LYPD5: variants seen among roughly 807,000 people sequenced by gnomAD.
The protein encoded by LYPD5 is ly6/PLAUR domain-containing protein 5.
LYPD5 carries 21 observed loss-of-function variants against 19.1 expected under a neutral mutation model. The ratio of observed to expected loss-of-function variants is 1.10; its 90% confidence interval spans 0.78 to 1.58. The LOEUF (loss-of-function observed/expected upper bound fraction) is 1.58. Among genes scored for constraint, LYPD5 ranks in the 40% most tolerant of loss-of-function variants. The pLI is 0.00. For synonymous variants in LYPD5, 128 were observed against 142.7 expected (o/e 0.90, Z 0.74); for missense variants, 287 against 329.8 (o/e 0.87, Z 1.00).
At position 43,798,600 on chromosome 19, in the gene LYPD5, T is replaced by C; in HGVS notation, c.372A>G (p.Ala124=). The change falls in exon 4 of 5, where the codon GCA becomes GCG. Residue 124 remains alanine, a splice_region_variant and synonymous_variant. Coordinates refer to ENST00000377950, the MANE Select transcript of LYPD5 (RefSeq NM_001031749.3). Reference sequence around the variant, plus strand: ...CGCCGCTGAGCGTCGGCGGGTCGGGTGCTGGCAAGAGAGCGTAGATGCACA... The same window carrying C: ...CGCCGCTGAGCGTCGGCGGGTCGGGCGCTGGCAAGAGAGCGTAGATGCACA... ...THDALPNLSQ[A]PDPPTLSGAE... 1 of 1,609,686 alleles carries C rather than the reference T, an allele frequency of 6.2e-7. No homozygotes were observed. Among genetic ancestry groups the C allele is most frequent in the Non-Finnish European group, 8.5e-7 (1 of 1,179,982 alleles).
chr19:43,817,718 T>C (rs1970384892), intron 1 of LYPD5, among the ~76,000 whole-genome samples: 1 of 145,120 alleles, frequency 6.9e-6, no homozygotes, highest in South Asian at 2.2e-4. Context: ...AAGGACTTTA[T>C]TTATTTTTTT....
chr19:43,818,272 G>A (rs372531466), intron 1 of LYPD5, among the ~76,000 whole-genome samples: 2 of 152,304 alleles, frequency 1.3e-5, no homozygotes, highest in African/African-American at 4.8e-5. Flanking sequence ...GGAGGACCCT[G>A]AGAAGAAGTT....
rs1324477309 is a variant in LYPD5 at position 43,798,308 on chromosome 19, C to T, written c.517+147G>A. On this transcript the variant is annotated intron_variant, in intron 4 of 4. Coordinates refer to ENST00000377950, the MANE Select transcript of LYPD5 (RefSeq NM_001031749.3). Reference sequence around the variant, plus strand: ...CAAATCTTCTCCCTCAGACCAGGGTCAAACCTTCTCCCTCAGACCAGGGTC... The same window carrying T: ...CAAATCTTCTCCCTCAGACCAGGGTTAAACCTTCTCCCTCAGACCAGGGTC... 4.7e-6 allele frequency: 5 copies of T among 1,055,290 alleles called. No individual in the cohort carries two copies. In the African/African-American group the frequency reaches 7.8e-5, roughly 17 times the overall value. The allele number at this position is 1,055,290 out of a possible 1,614,324, so 65.4% of individuals were successfully genotyped here. A position where few individuals can be genotyped will look rare whatever the true frequency, so the allele number is the denominator to read the frequency against.
intron 1 of LYPD5, among the ~76,000 whole-genome samples, chr19:43,808,265 C>T (rs1222307139): frequency 3.3e-5 from 5 of 152,144 alleles, no homozygotes; most frequent in African/African-American, 1.2e-4. Context: ...GCCACCACGC[C>T]TGGCTAATTT....
rs777725381 is a variant in LYPD5 at position 43,797,149 on chromosome 19, T to C, written c.*442A>G. The C allele has an allele frequency of 3.4e-4, 54 of 156,688 alleles. No homozygotes were observed. Among genetic ancestry groups the C allele is most frequent in the Non-Finnish European group, 6.2e-4 (44 of 71,192 alleles). The allele number at this position is 156,688 out of a possible 1,614,324, so 9.7% of individuals were successfully genotyped here. A position where few individuals can be genotyped will look rare whatever the true frequency, so the allele number is the denominator to read the frequency against. ...ATGGTGGAGCTGGGATTTGAACCCA[T>C]GCAGCTTAGCTCCAGAGCCTGGCCT... On this transcript the variant is annotated 3_prime_UTR_variant, in exon 5 of 5. Coordinates refer to ENST00000377950, the MANE Select transcript of LYPD5 (RefSeq NM_001031749.3).
intron 1 of LYPD5, among the ~76,000 whole-genome samples, chr19:43,814,844 T>C (rs373629049): frequency 6.6e-6 from 1 of 152,262 alleles, no homozygotes; most frequent in African/African-American, 2.4e-5. Context: ...CAAATCGCAC[T>C]ATGACTTAGT....
intron 1 of LYPD5, among the ~76,000 whole-genome samples, chr19:43,802,040 T>C (rs1011574842): frequency 5.9e-5 from 9 of 152,078 alleles, no homozygotes; most frequent in Non-Finnish European, 1.0e-4. Context: ...GAAAAATGAC[T>C]GATGGGAGAA....
chr19:43,812,037 G>A (rs1018420385), intron 1 of LYPD5, among the ~76,000 whole-genome samples: 4 of 152,116 alleles, frequency 2.6e-5, no homozygotes, highest in African/African-American at 9.7e-5. Flanking sequence ...GGAGGGTTGG[G>A]TGGTGGCTGG....
At chr19:43,798,700 G>C in intron 3 of LYPD5, 99 bp from the exon 4 acceptor site, 1 of 1,581,100 alleles carries the variant, frequency 6.3e-7, no homozygotes, top group Non-Finnish European at 8.6e-7. Context: ...ACGTCTCGGG[G>C]GTTGGGATCC....
chr19:43,802,172 C>T (rs1310637122), intron 1 of LYPD5, 145 bp downstream of exon 1: 7 of 620,656 alleles, frequency 1.1e-5, no homozygotes, highest in Admixed American at 1.1e-4. Flanking sequence ...GCCCCCAGCC[C>T]CCTCCTCCCT....
At chr19:43,803,331 C>T (rs769350829), upstream of LYPD5, among the ~76,000 whole-genome samples, 15 of 152,258 alleles carry the variant, frequency 9.9e-5, no homozygotes, top group African/African-American at 1.4e-4. Context: ...GATGCTCAGA[C>T]ACTCAGCAGG....
intron 4 of LYPD5, 55 bp from the exon 5 acceptor site, chr19:43,797,884 C>T: frequency 7.3e-7 from 1 of 1,365,892 alleles, no homozygotes; most frequent in South Asian, 1.2e-5. Context: ...ACAGCTGCAC[C>T]TGAACCTTCA....
chr19:43,801,037 G>GA (rs4027763), intron 1 of LYPD5, among the ~76,000 whole-genome samples: 16,659 of 132,026 alleles, frequency 0.13, 1,480 homozygotes, highest in East Asian at 0.39. Flanking sequence ...TACATGGAGA[G>GA]AAAAAAAAAA....
At chr19:43,811,697 A>G (rs1446652545) in intron 1 of LYPD5, among the ~76,000 whole-genome samples, 2 of 138,920 alleles carry the variant, frequency 1.4e-5, no homozygotes, top group Non-Finnish European at 3.1e-5. Context: ...GAAAGAAAGA[A>G]GGAAAGAGAG....
chr19:43,798,116 C>T (rs1200586661), intron 4 of LYPD5, among the ~76,000 whole-genome samples: 1 of 149,464 alleles, frequency 6.7e-6, no homozygotes, highest in African/African-American at 2.5e-5. Context: ...GGCATGGCCT[C>T]CTTCCTCAGA....
In LYPD5 at chr19:43,798,447, C is replaced by T. The variant is rs1433991229; in HGVS notation, c.517+8G>A. On this transcript the variant is annotated splice_region_variant and intron_variant, in intron 4 of 4. Transcript: ENST00000377950. ...TGCCCAGGCCCTTCCACCCTTCCAGCCCCTTACCAACTGTCATTCTGCCAT... is the reference window on the plus strand; with the variant it reads ...TGCCCAGGCCCTTCCACCCTTCCAGTCCCTTACCAACTGTCATTCTGCCAT... The T allele has an allele frequency of 1.9e-6, 3 of 1,604,970 alleles. No homozygotes were observed. The highest frequency in any genetic ancestry group is 3.3e-5 in the Admixed American group (2 of 60,024).
intron 1 of LYPD5, among the ~76,000 whole-genome samples, chr19:43,808,273 T>G (rs1395978215): frequency 6.6e-6 from 1 of 152,104 alleles, no homozygotes; most frequent in Non-Finnish European, 1.5e-5. Flanking sequence ...GCCTGGCTAA[T>G]TTTTGTATAT....
intron 1 of LYPD5, among the ~76,000 whole-genome samples, chr19:43,800,903 G>A (rs148705065): frequency 0.048 from 7,257 of 151,252 alleles, 229 homozygotes; most frequent in South Asian, 0.072. Flanking sequence ...AGAGGTTGCA[G>A]TGAGCTGTGA....
intron 1 of LYPD5, 165 bp from the exon 2 acceptor site, chr19:43,799,999 GTC>G: frequency 1.3e-6 from 1 of 797,638 alleles, no homozygotes; most frequent in Non-Finnish European, 1.9e-6. Context: ...TCACAGCTGT[GTC>G]TGTCTCATGG....
Sources: gnomAD v4.1 joint callset for allele counts (sites outside exome capture counted in the v4.1 genomes callset) on GRCh38, gnomAD v4.1.1 for gene constraint, MANE v1.5 for transcripts, NCBI Gene and HGNC (gene_info 2026-07-23, HGNC 2026-07-21) for gene names.